The following CTDSPL variants were observed in gnomAD, a reference collection of about 807,000 sequenced individuals.
CTDSPL encodes the protein CTD small phosphatase-like protein.
CTDSPL carries 8 observed loss-of-function variants against 30.5 expected under a neutral mutation model. The ratio of observed to expected loss-of-function variants is 0.26; its 90% CI spans 0.15 to 0.47. CTDSPL has a LOEUF of 0.47. CTDSPL is among the 20% of genes least tolerant of loss of function. The pLI, the probability that CTDSPL is intolerant of heterozygous loss-of-function variation, is 0.99. For missense variants in CTDSPL, 248 were observed against 366.1 expected (o/e 0.68, Z 2.63); for synonymous variants, 110 against 137.9 (o/e 0.80, Z 1.42).
At chr3:37,891,040 C>A (rs1475896518) in intron 1 of CTDSPL, among the ~76,000 whole-genome samples, 1 of 152,146 alleles carries the variant, frequency 6.6e-6, no homozygotes, top group African/African-American at 2.4e-5. Context: ...TCTAGGCCAG[C>A]CCCAGGGGTA....
chr3:37,866,437 A>G (rs1294344992), intron 1 of CTDSPL, among the ~76,000 whole-genome samples: 1 of 152,200 alleles, frequency 6.6e-6, no homozygotes, highest in African/African-American at 2.4e-5. Flanking sequence ...GACAACAAAG[A>G]TTCCTCTAGG....
At chr3:37,944,993 A>T (rs1699019038) in intron 1 of CTDSPL, among the ~76,000 whole-genome samples, 1 of 150,348 alleles carries the variant, frequency 6.7e-6, no homozygotes, top group Admixed American at 6.7e-5. Context: ...TTAGTTAGTT[A>T]GTTAGTTATG....
At position 37,978,525 on chromosome 3, in the gene CTDSPL, C is replaced by A. The variant is rs956601395; in HGVS notation, c.706-2217C>A. Among the ~76,000 whole-genome samples the A allele has an allele frequency of 5.3e-5, 8 of 152,224 alleles. 1 individual carries two copies. In the South Asian group the frequency reaches 1.7e-3, roughly 32 times the overall value. On this transcript the variant is annotated intron_variant, in intron 7 of 7. Transcript: ENST00000273179. The stretch of plus-strand genomic sequence containing the variant: ...TACAATATTTTTTATAATTTGGGGA[C>A]ACTAAATAAACTGTGTATCATGTGC...
rs185178272 is a variant in CTDSPL at position 37,884,248 on chromosome 3, T to C, written c.79+21970T>C. Among the ~76,000 whole-genome samples the C allele has an allele frequency of 9.3e-4, 141 of 152,300 alleles. 1 individual carries two copies. The highest frequency in any genetic ancestry group is 3.1e-3 in the African/African-American group (128 of 41,548). ...TGCCCTCATGTTATAAAACATAGCA[T>C]ATTGACATGGAAAAGTGCAAGGGAC... On this transcript the variant is annotated intron_variant, in intron 1 of 7. Transcript: ENST00000273179.
chr3:37,944,065 G>A lies in CTDSPL; in HGVS notation c.80-2992G>A, dbSNP rs1323254766. 2.0e-5 allele frequency among the ~76,000 whole-genome samples: 3 copies of A among 150,154 alleles called. No individual in the cohort carries two copies. The East Asian group carries it at 5.8e-4, about 29-fold the overall frequency. Reference sequence around the variant, plus strand: ...TGGAGTGTAGAAGCGTACGAATTAGGCTGAAGGTTGAGAATTAGAAGGAGG... The same window carrying A: ...TGGAGTGTAGAAGCGTACGAATTAGACTGAAGGTTGAGAATTAGAAGGAGG... On this transcript the variant is annotated intron_variant, in intron 1 of 7. Coordinates refer to ENST00000273179, the MANE Select transcript of CTDSPL (RefSeq NM_001008392.2).
At chr3:37,960,480 CA>C (rs1208033395) in intron 3 of CTDSPL, among the ~76,000 whole-genome samples, 5 of 4,914 alleles carry the variant, frequency 1.0e-3, no homozygotes, top group Non-Finnish European at 1.6e-3. Flanking sequence ...AACTCTGTCT[CA>C]AAAAAAAAAA....
chr3:37,881,141 A>G (rs114967262), intron 1 of CTDSPL, among the ~76,000 whole-genome samples: 1,596 of 152,252 alleles, frequency 0.01, 33 homozygotes, highest in South Asian at 0.078. Flanking sequence ...TTTTCTAGGA[A>G]CTATTAGAAA....
At chr3:37,871,010 T>C (rs1252475291) in intron 1 of CTDSPL, among the ~76,000 whole-genome samples, 1 of 152,166 alleles carries the variant, frequency 6.6e-6, no homozygotes, top group Non-Finnish European at 1.5e-5. Context: ...GGGTTTTATA[T>C]TCTATGAGTT....
At position 37,941,265 on chromosome 3, in the gene CTDSPL, G is replaced by T. The variant is rs1219982478; in HGVS notation, c.80-5792G>T. 1.1e-4 allele frequency among the ~76,000 whole-genome samples: 17 copies of T among 150,056 alleles called. 2 individuals carry two copies. The highest frequency in any genetic ancestry group is 1.8e-4 in the Non-Finnish European group (12 of 66,976). ...CAGGGTTTCTACTCCACCCGAGTTT[G>T]TGCACAGAAATGGAGAAAGTTAAGT... On this transcript the variant is annotated intron_variant, in intron 1 of 7. Coordinates refer to ENST00000273179, the MANE Select transcript of CTDSPL (RefSeq NM_001008392.2).
chr3:37,981,066 A>C lies in CTDSPL; in HGVS notation c.*199A>C, dbSNP rs1699486087. ...TAAAAGAACTCTTTTAAGAAATTTC[A>C]TAAAGGGACATGCATTTTACTGGGT... is the stretch of plus-strand genomic sequence containing the variant. On this transcript the variant is annotated 3_prime_UTR_variant, in exon 8 of 8. Transcript: ENST00000273179. 4 of 456,944 alleles carry C rather than the reference A, an allele frequency of 8.8e-6. No individual in the cohort carries two copies. The highest frequency in any genetic ancestry group is 1.4e-5 in the Non-Finnish European group (4 of 282,042). 28.3% of individuals were successfully genotyped at this position (456,944 alleles called of 1,614,324 possible).
At chr3:37,938,067 T>A (rs7627207) in intron 1 of CTDSPL, among the ~76,000 whole-genome samples, 38,455 of 149,948 alleles carry the variant, frequency 0.26, 8,622 homozygotes, top group African/African-American at 0.55. Context: ...AACTTGAATG[T>A]TGAGGGATGG....
chr3:37,876,310 A>T (rs985642409), intron 1 of CTDSPL, among the ~76,000 whole-genome samples: 1 of 152,160 alleles, frequency 6.6e-6, no homozygotes, highest in Non-Finnish European at 1.5e-5. Context: ...AACCCAGGTT[A>T]AAAAGTTTCA....
At chr3:37,923,427 G>A (rs1387361447) in intron 1 of CTDSPL, among the ~76,000 whole-genome samples, 1 of 152,204 alleles carries the variant, frequency 6.6e-6, no homozygotes, top group African/African-American at 2.4e-5. Flanking sequence ...TTGGCAGAGT[G>A]GAACTCTGTG....
At chr3:37,872,194 C>G (rs922113818) in intron 1 of CTDSPL, among the ~76,000 whole-genome samples, 4 of 152,028 alleles carry the variant, frequency 2.6e-5, no homozygotes, top group African/African-American at 7.2e-5. Context: ...CGGGGGTCAG[C>G]CTATGTTACC....
intron 2 of CTDSPL, among the ~76,000 whole-genome samples, chr3:37,949,431 TAAA>T (rs904074855): frequency 3.9e-5 from 6 of 152,156 alleles, no homozygotes; most frequent in Admixed American, 2.6e-4. Flanking sequence ...GGCAGTTGGT[TAAA>T]AAAACTATAG....
At chr3:37,968,550 C>CT (rs1282359950) in intron 5 of CTDSPL, 1 of 218,918 alleles carries the variant, frequency 4.6e-6, no homozygotes, top group Non-Finnish European at 9.3e-6. Flanking sequence ...GAGGTTGAAG[C>CT]TGGGGGGCTT....
At chr3:37,880,133 T>C (rs932228147) in intron 1 of CTDSPL, among the ~76,000 whole-genome samples, 3 of 147,458 alleles carry the variant, frequency 2.0e-5, no homozygotes, top group Non-Finnish European at 4.5e-5. Flanking sequence ...TATATAAAAA[T>C]AAGATATATA....
chr3:37,959,351 T>C (rs1699210613), intron 3 of CTDSPL, among the ~76,000 whole-genome samples: 2 of 152,374 alleles, frequency 1.3e-5, no homozygotes, highest in South Asian at 2.1e-4. Flanking sequence ...CCTGTGGGAA[T>C]ACATACATAC....
At chr3:37,900,250 T>G (rs549066275) in intron 1 of CTDSPL, among the ~76,000 whole-genome samples, 1 of 152,320 alleles carries the variant, frequency 6.6e-6, no homozygotes, top group African/African-American at 2.4e-5. Flanking sequence ...ACACATCTAC[T>G]CAAATTGTGA....
Sources: gnomAD v4.1 joint callset for allele counts (sites outside exome capture counted in the v4.1 genomes callset) on GRCh38, gnomAD v4.1.1 for gene constraint, MANE v1.5 for transcripts, NCBI Gene and HGNC (gene_info 2026-07-23, HGNC 2026-07-21) for gene names.